Variants in HDAC9 observed in about 807,000 individuals in gnomAD.
HDAC9 encodes histone deacetylase 9, also known as MEF-2 interacting transcription repressor (MITR) protein.
A neutral mutation model predicts 139.4 loss-of-function variants in HDAC9; 41 were observed. The observed-to-expected ratio is 0.29, with a 90% CI of 0.23 to 0.38. HDAC9 has a LOEUF of 0.38. Ranked by LOEUF, HDAC9 falls within the 10% of genes least tolerant of loss-of-function variation. The probability of loss-of-function intolerance (pLI) is 1.00; values close to 1 mark genes in which losing one functional copy is unlikely to be tolerated. For missense variants in HDAC9, 1,147 were observed against 1,297.0 expected (o/e 0.88, Z 1.78); for synonymous variants, 517 against 476.2 (o/e 1.09, Z -1.12).
At chr7:18,926,853 A>G (rs1429571833) in intron 22 of HDAC9, among the ~76,000 whole-genome samples, 3 of 152,330 alleles carry the variant, frequency 2.0e-5, no homozygotes, top group Non-Finnish European at 4.4e-5. Flanking sequence ...AGCATCACTG[A>G]CTAGAAGAGT....
chr7:18,155,001 G>T (rs185102294), intron 1 of HDAC9, among the ~76,000 whole-genome samples: 3 of 152,078 alleles, frequency 2.0e-5, no homozygotes, highest in African/African-American at 7.2e-5. Context: ...CCTTCACTTC[G>T]ACTATTACTT....
intron 2 of HDAC9, among the ~76,000 whole-genome samples, chr7:18,169,934 C>T (rs2128132740): frequency 6.6e-6 from 1 of 152,256 alleles, no homozygotes; most frequent in Middle Eastern, 3.4e-3. Context: ...GTGCATGTGT[C>T]TTTATAGCAG....
At chr7:18,281,902 T>C (rs1042386690) in intron 2 of HDAC9, among the ~76,000 whole-genome samples, 1 of 152,198 alleles carries the variant, frequency 6.6e-6, no homozygotes, top group Non-Finnish European at 1.5e-5. Context: ...TACAGTGAAC[T>C]TGGAAAGGGA....
chr7:18,693,533 G>C (rs1782818897), intron 12 of HDAC9, among the ~76,000 whole-genome samples: 1 of 152,122 alleles, frequency 6.6e-6, no homozygotes, highest in African/African-American at 2.4e-5. Flanking sequence ...GGAGGAGAGA[G>C]ACGAGGAGAG....
At chr7:18,967,444 A>C (rs747774705) in intron 24 of HDAC9, among the ~76,000 whole-genome samples, 33 of 150,678 alleles carry the variant, frequency 2.2e-4, no homozygotes, top group Non-Finnish European at 4.1e-4. Flanking sequence ...TGATTATTCT[A>C]TATTTTTCAT....
At chr7:18,175,318 G>A (rs1021408436) in intron 2 of HDAC9, among the ~76,000 whole-genome samples, 4 of 152,182 alleles carry the variant, frequency 2.6e-5, no homozygotes, top group Non-Finnish European at 5.9e-5. Flanking sequence ...TTGGAAAAAC[G>A]CAGTATTTGG....
Position 18,384,594 on chromosome 7 carries a change from G to A in HDAC9, c.-42+94079G>A, listed in dbSNP as rs943345421. 3.9e-5 allele frequency among the ~76,000 whole-genome samples: 6 copies of A among 151,922 alleles called. No homozygotes were observed. The South Asian group carries it at 1.2e-3, about 32-fold the overall frequency. Reference sequence around the variant, plus strand: ...TTATTGAAATACATAATGGCGTTCTGCTTTTAAACATCAGTAAGTTGAGAT... The same window carrying A: ...TTATTGAAATACATAATGGCGTTCTACTTTTAAACATCAGTAAGTTGAGAT... On this transcript the variant is annotated intron_variant, in intron 1 of 3. Coordinates refer to the HDAC9 transcript ENST00000413509.
intron 7 of HDAC9, among the ~76,000 whole-genome samples, chr7:18,632,636 T>G (rs1471279513): frequency 6.6e-6 from 1 of 151,986 alleles, no homozygotes; most frequent in Admixed American, 6.6e-5. Flanking sequence ...GAAAGGGCAA[T>G]GGTGGGAAAT....
At chr7:18,871,730 C>T (rs1798931305) in intron 21 of HDAC9, among the ~76,000 whole-genome samples, 1 of 152,110 alleles carries the variant, frequency 6.6e-6, no homozygotes, top group South Asian at 2.1e-4. Context: ...CTTTCAGACA[C>T]AATAGATCTT....
At chr7:18,361,832 T>C (rs1159845827) in intron 1 of HDAC9, among the ~76,000 whole-genome samples, 4 of 152,086 alleles carry the variant, frequency 2.6e-5, no homozygotes, top group Non-Finnish European at 4.4e-5. Flanking sequence ...AAAAAAAACA[T>C]TCTGGCATAA....
chr7:18,593,382 C>G (rs1185422966), intron 5 of HDAC9, among the ~76,000 whole-genome samples: 5 of 152,100 alleles, frequency 3.3e-5, no homozygotes, highest in African/African-American at 1.2e-4. Flanking sequence ...AGAATGTGAT[C>G]CCCATTCTTT....
intron 2 of HDAC9, among the ~76,000 whole-genome samples, chr7:18,223,385 C>T (rs890248854): frequency 2.0e-5 from 3 of 151,162 alleles, no homozygotes; most frequent in African/African-American, 4.9e-5. Flanking sequence ...GTAAAAACCC[C>T]GGTCAATTTT....
At chr7:18,273,711 A>G (rs1393740326) in intron 2 of HDAC9, among the ~76,000 whole-genome samples, 1 of 152,212 alleles carries the variant, frequency 6.6e-6, no homozygotes, top group African/African-American at 2.4e-5. Flanking sequence ...ATGAATAAAA[A>G]TGATGAACAT....
chr7:18,984,023 C>T (rs1785128727), intron 25 of HDAC9, among the ~76,000 whole-genome samples: 1 of 152,076 alleles, frequency 6.6e-6, no homozygotes, highest in African/African-American at 2.4e-5. Flanking sequence ...CCACTAACCC[C>T]CAAATTAGAT....
At chr7:18,267,354 G>A (rs1190647695) in intron 2 of HDAC9, among the ~76,000 whole-genome samples, 1 of 151,884 alleles carries the variant, frequency 6.6e-6, no homozygotes, top group African/African-American at 2.4e-5. Flanking sequence ...ATTTTTATTA[G>A]CTATAGTCAC....
At chr7:18,862,108 G>A (rs1184420065) in intron 21 of HDAC9, among the ~76,000 whole-genome samples, 1 of 152,136 alleles carries the variant, frequency 6.6e-6, no homozygotes, top group African/African-American at 2.4e-5. Context: ...CAGTGAAATA[G>A]TTTGCTCTCC....
intron 1 of HDAC9, among the ~76,000 whole-genome samples, chr7:18,138,111 C>G (rs1178364): frequency 3.3e-5 from 5 of 152,098 alleles, no homozygotes; most frequent in Non-Finnish European, 7.3e-5. Context: ...TTGTAGTATT[C>G]TGTGATGGTA....
At chr7:18,281,648 C>CT (rs922069786) in intron 2 of HDAC9, among the ~76,000 whole-genome samples, 7 of 152,182 alleles carry the variant, frequency 4.6e-5, no homozygotes, top group African/African-American at 1.7e-4. Context: ...AAACACCTTC[C>CT]TTTGTAACCA....
At chr7:18,149,559 AT>A (rs1003331806) in intron 1 of HDAC9, among the ~76,000 whole-genome samples, 2 of 148,452 alleles carry the variant, frequency 1.3e-5, no homozygotes, top group Non-Finnish European at 3.0e-5. Flanking sequence ...ATTTATTATT[AT>A]TTTTTTTTGA....
Sources: gnomAD v4.1 joint callset for allele counts (sites outside exome capture counted in the v4.1 genomes callset) on GRCh38, gnomAD v4.1.1 for gene constraint, MANE v1.5 for transcripts, NCBI Gene and HGNC (gene_info 2026-07-23, HGNC 2026-07-21) for gene names.